ZNF804B: variants seen among roughly 807,000 people sequenced by gnomAD.
The protein encoded by ZNF804B is zinc finger protein 804B.
ZNF804B carries 80 observed loss-of-function variants against 101.4 expected under a neutral mutation model. The ratio of observed to expected loss-of-function variants is 0.79; its 90% CI spans 0.66 to 0.95. The LOEUF (loss-of-function observed/expected upper bound fraction) is 0.95. Ranked by LOEUF, ZNF804B falls within the 40% of genes least tolerant of loss-of-function variation. ZNF804B has a pLI of 0.00. For missense variants in ZNF804B, 1,673 were observed against 1,561.9 expected (o/e 1.07, Z -1.20); for synonymous variants, 622 against 558.8 (o/e 1.11, Z -1.59).
At chr7:89,297,311 T>C (rs1156631663) in intron 2 of ZNF804B, among the ~76,000 whole-genome samples, 1 of 152,056 alleles carries the variant, frequency 6.6e-6, no homozygotes, top group Non-Finnish European at 1.5e-5. Context: ...GTCTAAAAGT[T>C]ATTACCAGAG....
In ZNF804B at chr7:88,791,804, C is replaced by T. The variant is rs530816432; in HGVS notation, c.108+31720C>T. ...TATGTATTATTTTTCCACAGTGCTGCGTAATCATTCACCCAAACCTTAGTG... is the reference window on the plus strand; with the variant it reads ...TATGTATTATTTTTCCACAGTGCTGTGTAATCATTCACCCAAACCTTAGTG... On this transcript the variant is annotated intron_variant, in intron 1 of 3. Transcript: ENST00000333190. 9.9e-5 allele frequency among the ~76,000 whole-genome samples: 15 copies of T among 152,170 alleles called. No individual in the cohort carries two copies. The East Asian group carries it at 2.1e-3, about 22-fold the overall frequency.
intron 2 of ZNF804B, among the ~76,000 whole-genome samples, chr7:89,219,411 C>T (rs540846624): frequency 4.0e-5 from 6 of 149,984 alleles, no homozygotes; most frequent in Non-Finnish European, 7.4e-5. Context: ...ACAAAAAATC[C>T]AAAAGGGAAA....
At chr7:88,797,968 T>TA (rs1790517275) in intron 1 of ZNF804B, among the ~76,000 whole-genome samples, 1 of 152,158 alleles carries the variant, frequency 6.6e-6, no homozygotes, top group African/African-American at 2.4e-5. Context: ...GAATAAATAA[T>TA]AAAAACTATT....
chr7:89,280,351 A>G (rs2115866992), intron 2 of ZNF804B, among the ~76,000 whole-genome samples: 1 of 152,068 alleles, frequency 6.6e-6, no homozygotes, highest in African/African-American at 2.4e-5. Flanking sequence ...TAAAAGAACT[A>G]GAAAAGCAAG....
chr7:89,035,282 T>G (rs1229242974), intron 1 of ZNF804B, among the ~76,000 whole-genome samples: 1 of 152,116 alleles, frequency 6.6e-6, no homozygotes, highest in Non-Finnish European at 1.5e-5. Context: ...TCACAGGCAA[T>G]TCATTAAAAA....
chr7:89,300,249 T>C lies in ZNF804B; in HGVS notation c.250-27095T>C, dbSNP rs535096460. 5.3e-5 allele frequency among the ~76,000 whole-genome samples: 8 copies of C among 151,908 alleles called. No individual in the cohort carries two copies. In the South Asian group the frequency reaches 1.7e-3, roughly 32 times the overall value. On this transcript the variant is annotated intron_variant, in intron 2 of 3. Coordinates refer to ENST00000333190, the MANE Select transcript of ZNF804B (RefSeq NM_181646.5). ...CTTAAAAGCCCTTCATAATTCAAGT[T>C]ATTTCTGTCTCATCTCTTACCTTCC...
chr7:88,866,577 A>G (rs929341731), intron 1 of ZNF804B, among the ~76,000 whole-genome samples: 3 of 152,152 alleles, frequency 2.0e-5, no homozygotes, highest in Admixed American at 2.0e-4. Flanking sequence ...CAAAACAAAC[A>G]AACAAAAACC....
intron 1 of ZNF804B, among the ~76,000 whole-genome samples, chr7:89,170,638 T>G (rs1791209118): frequency 6.6e-6 from 1 of 152,178 alleles, no homozygotes; most frequent in South Asian, 2.1e-4. Context: ...TTTTTTCTTG[T>G]TTTCTTGTTG....
intron 1 of ZNF804B, among the ~76,000 whole-genome samples, chr7:88,859,883 C>A (rs1544422): frequency 0.45 from 68,237 of 151,502 alleles, 17,278 homozygotes; most frequent in African/African-American, 0.68. Context: ...AATTTATTAC[C>A]TTCATTTAAA....
At chr7:89,262,008 G>T (rs1789719300) in intron 2 of ZNF804B, among the ~76,000 whole-genome samples, 1 of 152,078 alleles carries the variant, frequency 6.6e-6, no homozygotes, top group Admixed American at 6.6e-5. Context: ...AATATTTTTG[G>T]AAAGTACAAC....
At chr7:89,296,283 T>A (rs936278353) in intron 2 of ZNF804B, among the ~76,000 whole-genome samples, 2 of 152,130 alleles carry the variant, frequency 1.3e-5, no homozygotes, top group African/African-American at 2.4e-5. Context: ...TATCTATTGA[T>A]GATTCTTAAT....
intron 1 of ZNF804B, among the ~76,000 whole-genome samples, chr7:88,993,076 T>C (rs1793869563): frequency 6.6e-6 from 1 of 151,986 alleles, no homozygotes. Context: ...ACTTATAAAA[T>C]ACTAGCTTTT....
chr7:89,016,217 A>G (rs1788554083), intron 1 of ZNF804B, among the ~76,000 whole-genome samples: 1 of 152,012 alleles, frequency 6.6e-6, no homozygotes, highest in East Asian at 1.9e-4. Context: ...GTTTGAGTTC[A>G]TTGTAGATTC....
chr7:88,759,868 G>A lies in ZNF804B; in HGVS notation c.-109G>A, dbSNP rs1203510495. The A allele has an allele frequency of 3.5e-6, 3 of 848,002 alleles. No individual in the cohort carries two copies. Among genetic ancestry groups the A allele is most frequent in the Non-Finnish European group, 5.8e-6 (3 of 514,442 alleles). The allele number at this position is 848,002 out of a possible 1,614,324, so 52.5% of individuals were successfully genotyped here. On this transcript the variant is annotated 5_prime_UTR_variant, in exon 1 of 4. Coordinates refer to ENST00000333190, the MANE Select transcript of ZNF804B (RefSeq NM_181646.5). ...CGCCTCCCCCTGCGTCCTGCTGGCC[G>A]CGTCTTCTCGGGAGGTGGTAGTCGC...
Position 89,096,151 on chromosome 7 carries a change from T to C in ZNF804B, c.109-122004T>C, listed in dbSNP as rs62464197. ...GCCTGGGTGACAGAGCCAGACTCCA[T>C]TTAAAAAAAAAAAAAAAAAAGAAAA... is the stretch of plus-strand genomic sequence containing the variant. On this transcript the variant is annotated intron_variant, in intron 1 of 3. Coordinates refer to ENST00000333190, the MANE Select transcript of ZNF804B (RefSeq NM_181646.5). Among the ~76,000 whole-genome samples the C allele has an allele frequency of 1.0e-4, 5 of 48,636 alleles. No homozygotes were observed. In the African/African-American group the frequency reaches 1.0e-3, roughly 10 times the overall value. The allele number at this position is 48,636 out of a possible 152,430, so 31.9% of individuals were successfully genotyped here.
chr7:88,906,234 G>A (rs1482880504), intron 1 of ZNF804B, among the ~76,000 whole-genome samples: 1 of 151,608 alleles, frequency 6.6e-6, no homozygotes, highest in Admixed American at 6.6e-5. Flanking sequence ...CTGATGTTTT[G>A]TGTGAATTTT....
intron 2 of ZNF804B, among the ~76,000 whole-genome samples, chr7:89,257,534 A>G (rs1479221583): frequency 6.6e-6 from 1 of 152,156 alleles, no homozygotes; most frequent in South Asian, 2.1e-4. Context: ...TCCTTTACAT[A>G]TAAAAGGAGT....
chr7:88,834,736 T>G (rs1012184890), intron 1 of ZNF804B, among the ~76,000 whole-genome samples: 1 of 151,724 alleles, frequency 6.6e-6, no homozygotes, highest in African/African-American at 2.4e-5. Flanking sequence ...GATGCTATAT[T>G]GATGTCAGAT....
chr7:89,184,789 T>C (rs1351391117), intron 1 of ZNF804B, among the ~76,000 whole-genome samples: 1 of 152,180 alleles, frequency 6.6e-6, no homozygotes, highest in Non-Finnish European at 1.5e-5. Context: ...TAGATACCAA[T>C]TTAATATCCA....
Sources: allele counts gnomAD v4.1 joint callset (sites outside exome capture counted in the v4.1 genomes callset), GRCh38; gene constraint gnomAD v4.1.1; transcripts MANE v1.5; gene names NCBI Gene and HGNC (gene_info 2026-07-23, HGNC 2026-07-21).